The following NR6A1 variants were observed in gnomAD, a reference collection of about 807,000 sequenced individuals.
NR6A1 encodes the protein retinoic acid receptor-related testis-associated receptor.
NR6A1 carries 7 observed loss-of-function variants against 59.1 expected under a neutral mutation model. That is an observed-to-expected ratio of 0.12 (90% confidence interval 0.07 to 0.22). NR6A1 has a LOEUF of 0.22. Ranked by LOEUF, NR6A1 falls within the 10% of genes least tolerant of loss-of-function variation. NR6A1 has a pLI of 1.00. For synonymous variants in NR6A1, 243 were observed against 236.1 expected (o/e 1.03, Z -0.27); for missense variants, 468 against 611.6 (o/e 0.77, Z 2.48).
rs1292934402 is a variant in NR6A1 at position 124,520,505 on chromosome 9, G to C, written c.*2200C>G. The C allele has an allele frequency of 6.6e-6, 1 of 152,200 alleles. No homozygotes were observed. The highest frequency in any genetic ancestry group is 1.5e-5 in the Non-Finnish European group (1 of 68,040). The allele number at this position is 152,200 out of a possible 1,614,324, so 9.4% of individuals were successfully genotyped here. On this transcript the variant is annotated 3_prime_UTR_variant, in exon 10 of 10. Transcript: ENST00000487099. The stretch of plus-strand genomic sequence containing the variant: ...TACGTTGTTGGAGAGACATGTTCTT[G>C]CCTCATCAGAGAGCAATTTCTTTTG...
chr9:124,704,924 T>C (rs916751175), intron 2 of NR6A1, among the ~76,000 whole-genome samples: 3 of 151,914 alleles, frequency 2.0e-5, no homozygotes, highest in Admixed American at 6.6e-5. Flanking sequence ...TTTTTGGAGA[T>C]AGGGTTTCAC....
intron 1 of NR6A1, among the ~76,000 whole-genome samples, chr9:124,762,287 T>C (rs1840803638): frequency 6.6e-6 from 1 of 152,228 alleles, no homozygotes; most frequent in Admixed American, 6.5e-5. Flanking sequence ...ATAATCCATT[T>C]AAATTTAATA....
At chr9:124,710,035 T>C (rs1354181733) in intron 2 of NR6A1, among the ~76,000 whole-genome samples, 1 of 152,012 alleles carries the variant, frequency 6.6e-6, no homozygotes, top group African/African-American at 2.4e-5. Context: ...GCCATTGAAC[T>C]ACTCCAGAGA....
chr9:124,540,238 T>C (rs1833405038), intron 4 of NR6A1, 51 bp from the exon 5 acceptor site: 2 of 1,565,700 alleles, frequency 1.3e-6, no homozygotes, highest in East Asian at 4.5e-5. Context: ...ACACTTGCTC[T>C]TTCTTCAGGA....
intron 8 of NR6A1, 131 bp downstream of exon 8, chr9:124,526,648 A>G (rs934625214): frequency 1.5e-6 from 2 of 1,355,196 alleles, no homozygotes; most frequent in African/African-American, 2.9e-5. Flanking sequence ...GTCTTCCTGG[A>G]TTGAAACCCA....
chr9:124,748,363 AG>A (rs1196785238), intron 1 of NR6A1, among the ~76,000 whole-genome samples: 1 of 152,172 alleles, frequency 6.6e-6, no homozygotes, highest in African/African-American at 2.4e-5. Context: ...GGAACCCTTA[AG>A]GGGTTATCAA....
chr9:124,599,113 C>A lies in NR6A1; in HGVS notation c.143-44543G>T. On this transcript the variant is annotated intron_variant, in intron 2 of 9. Transcript: ENST00000487099. ...GCTCGTTCCATTCTAGGAGACGGTTCTCTGCGGCAAATCACAGTTTCGCCC... is the reference window on the plus strand; with the variant it reads ...GCTCGTTCCATTCTAGGAGACGGTTATCTGCGGCAAATCACAGTTTCGCCC... 8 of 686,310 alleles carry A rather than the reference C, an allele frequency of 1.2e-5. No individual in the cohort carries two copies. In the South Asian group the frequency reaches 1.2e-4, roughly 10 times the overall value. 42.5% of individuals were successfully genotyped at this position (686,310 alleles called of 1,614,324 possible).
intron 2 of NR6A1, among the ~76,000 whole-genome samples, chr9:124,732,846 G>A (rs899399347): frequency 1.3e-4 from 20 of 151,992 alleles, no homozygotes; most frequent in Admixed American, 6.6e-4. Context: ...ACAGGCACCC[G>A]CCACCACGCC....
chr9:124,554,468 C>G lies in NR6A1; in HGVS notation c.245G>C (p.Gly82Ala), dbSNP rs748473001. The G allele has an allele frequency of 8.1e-6, 13 of 1,614,068 alleles. No individual in the cohort carries two copies. Among genetic ancestry groups the G allele is most frequent in the African/African-American group, 1.3e-5 (1 of 74,910 alleles). ...GTTGCAAATGCTCCGCTTGAAAAACCCTTTGCAGCCCTCACAGGAGATGAT... is the reference window on the plus strand; with the variant it reads ...GTTGCAAATGCTCCGCTTGAAAAACGCTTTGCAGCCCTCACAGGAGATGAT... ...YGIISCEGCK[G>A]FFKRSICNKR... is the part of the protein sequence containing the mutation. Residue 82 changes from glycine (G) to alanine (A), a missense_variant, in exon 3 of 10, where the codon GGG becomes GCG. Gly to Ala is a moderately conservative substitution (Grantham distance 60). This residue lies in a region of NR6A1 where 66 missense variants were observed against 139.2 expected (regional missense o/e 0.47). Transcript: ENST00000487099.
intron 2 of NR6A1, among the ~76,000 whole-genome samples, chr9:124,630,166 T>C (rs1203467617): frequency 6.6e-6 from 1 of 151,956 alleles, no homozygotes; most frequent in African/African-American, 2.4e-5. Context: ...GAAAATTATA[T>C]TTAGAATGGC....
chr9:124,743,341 C>CAT (rs1377318646), intron 1 of NR6A1, among the ~76,000 whole-genome samples: 1 of 152,230 alleles, frequency 6.6e-6, no homozygotes, highest in East Asian at 1.9e-4. Context: ...ACCACAAGTC[C>CAT]ATATAGCAAA....
intron 2 of NR6A1, among the ~76,000 whole-genome samples, chr9:124,639,683 G>A (rs1303295464): frequency 6.6e-6 from 1 of 151,862 alleles, no homozygotes; most frequent in Non-Finnish European, 1.5e-5. Context: ...TGAAAGGCAA[G>A]GGAAGAGTCT....
chr9:124,552,239 G>C (rs901719917), intron 3 of NR6A1, among the ~76,000 whole-genome samples: 2 of 152,148 alleles, frequency 1.3e-5, no homozygotes, highest in African/African-American at 4.8e-5. Context: ...GAGAGAAGTG[G>C]AGGCCAAAAC....
chr9:124,706,298 A>C lies in NR6A1; in HGVS notation c.142+27010T>G, dbSNP rs1279708221. Among the ~76,000 whole-genome samples, 6 of 152,192 alleles carry C rather than the reference A, an allele frequency of 3.9e-5. No homozygotes were observed. In the South Asian group the frequency reaches 8.3e-4, roughly 21 times the overall value. ...CTCTATATAATCTTGTCTTTTTAAAAAATTGAGAAGAAAAAACATACAGAC... is the reference window on the plus strand; with the variant it reads ...CTCTATATAATCTTGTCTTTTTAAACAATTGAGAAGAAAAAACATACAGAC... On this transcript the variant is annotated intron_variant, in intron 2 of 9. Coordinates refer to ENST00000487099, the MANE Select transcript of NR6A1 (RefSeq NM_033334.4).
chr9:124,567,377 A>C (rs1192473255), intron 2 of NR6A1, among the ~76,000 whole-genome samples: 1 of 152,214 alleles, frequency 6.6e-6, no homozygotes, highest in Non-Finnish European at 1.5e-5. Context: ...ACATGGTCAA[A>C]GAAGAAAAGG....
At chr9:124,759,583 T>C (rs1001402655) in intron 1 of NR6A1, among the ~76,000 whole-genome samples, 1 of 152,232 alleles carries the variant, frequency 6.6e-6, no homozygotes, top group Non-Finnish European at 1.5e-5. Context: ...CTTTCATTCA[T>C]TCAATATTCA....
chr9:124,754,395 CAGTT>C (rs1274736655), intron 1 of NR6A1, among the ~76,000 whole-genome samples: 2 of 152,108 alleles, frequency 1.3e-5, no homozygotes, highest in African/African-American at 2.4e-5. Context: ...ATTGATGAGA[CAGTT>C]AATTACCTTT....
chr9:124,757,221 C>T (rs191092468), intron 1 of NR6A1, among the ~76,000 whole-genome samples: 1 of 151,558 alleles, frequency 6.6e-6, no homozygotes, highest in African/African-American at 2.4e-5. Context: ...CAAAATTATC[C>T]CCCAAAATAA....
chr9:124,654,875 T>TACACACACACACAC (rs3983841), intron 2 of NR6A1, among the ~76,000 whole-genome samples: 2,027 of 123,840 alleles, frequency 0.016, 23 homozygotes, highest in Non-Finnish European at 0.022. Flanking sequence ...TTTTTTTTTG[T>TACACACACACACAC]ACACACACAC....
Sources: allele counts gnomAD v4.1 joint callset (sites outside exome capture counted in the v4.1 genomes callset), GRCh38; gene constraint gnomAD v4.1.1; regional missense constraint gnomAD v4.1.1; transcripts MANE v1.5; gene names NCBI Gene and HGNC (gene_info 2026-07-23, HGNC 2026-07-21).